The following ITPR3 variants were observed in gnomAD, a reference collection of about 807,000 sequenced individuals.
ITPR3 encodes the protein inositol 1,4,5-trisphosphate-gated calcium channel ITPR3.
In ITPR3, 173 loss-of-function variants were observed where a neutral mutation model predicts 293.2. That is an observed-to-expected ratio of 0.59 (90% CI 0.52 to 0.67). The LOEUF (loss-of-function observed/expected upper bound fraction) is 0.67. Ranked by LOEUF, ITPR3 falls within the 30% of genes least tolerant of loss-of-function variation. The probability of loss-of-function intolerance (pLI) is 0.00; values close to 1 mark genes in which losing one functional copy is unlikely to be tolerated. For synonymous variants in ITPR3, 1,295 were observed against 1,444.4 expected, an observed-to-expected ratio of 0.90 and a Z score of 2.35; for missense variants, 2,796 against 3,592.1, an observed-to-expected ratio of 0.78 and a Z score of 5.66.
At chr6:33,676,652 A>AG in intron 25 of ITPR3, 116 bp from the exon 26 acceptor site, 1 of 1,212,740 alleles carries the variant, frequency 8.2e-7, no homozygotes, top group South Asian at 1.4e-5. Flanking sequence ...CTCGGTGGAG[A>AG]GGGACAGGTG....
Position 33,667,667 on chromosome 6 carries a change from TG to T in ITPR3, c.1714-123del. 9.6e-7 allele frequency: 1 copy of T among 1,044,340 alleles called. No homozygotes were observed. 64.7% of individuals were successfully genotyped at this position (1,044,340 alleles called of 1,614,324 possible). ...TTCTGCCCAGCGATGCTTCCTTTCC[TG>T]GACCTCTGCCTTTCTAGGGTATTGG... On this transcript the variant is annotated intron_variant, in intron 15 of 57. Transcript: ENST00000605930. The surrounding 1 kb of genome is among the most constrained non-coding windows in gnomAD (Gnocchi z 4.4).
intron 7 of ITPR3, among the ~76,000 whole-genome samples, chr6:33,661,579 C>T (rs79710455): frequency 0.062 from 9,378 of 152,210 alleles, 888 homozygotes; most frequent in African/African-American, 0.2. Context: ...AGTGTGACTT[C>T]ATCACGCATA....
chr6:33,685,997 C>T, intron 41 of ITPR3, 56 bp from the exon 42 acceptor site: 2 of 1,594,716 alleles, frequency 1.3e-6, no homozygotes, highest in Non-Finnish European at 1.7e-6. Flanking sequence ...CTTCCCAGGC[C>T]AGCCTCCCTC....
intron 1 of ITPR3, among the ~76,000 whole-genome samples, chr6:33,628,434 T>G (rs1025930369): frequency 5.9e-5 from 9 of 152,218 alleles, no homozygotes; most frequent in Middle Eastern, 3.2e-3. Flanking sequence ...CATTTGTACC[T>G]GCAGTCACAA....
Position 33,626,807 on chromosome 6 carries a change from CTTTCT to C in ITPR3, c.89+5120_89+5124del, listed in dbSNP as rs765053416. 1.8e-3 allele frequency among the ~76,000 whole-genome samples: 268 copies of C among 152,214 alleles called. 3 individuals carry two copies. Among genetic ancestry groups the C allele is most frequent in the Non-Finnish European group, 2.9e-3 (197 of 67,998 alleles). On this transcript the variant is annotated intron_variant, in intron 1 of 57. Transcript: ENST00000605930. The stretch of plus-strand genomic sequence containing the variant: ...TGGATTTCAGACCTGTCTTGGCTTT[CTTTCT>C]TTTATTTTTTTGGAGAGAGTTTTGC...
At chr6:33,681,886 G>GT (rs201250449) in intron 33 of ITPR3, among the ~76,000 whole-genome samples, 220 of 146,166 alleles carry the variant, frequency 1.5e-3, no homozygotes, top group East Asian at 2.6e-3. Context: ...AAAGTGTTAT[G>GT]TTTTTTTTTT....
Position 33,654,113 on chromosome 6 carries a change from C to T in ITPR3, c.161-1653C>T, listed in dbSNP as rs964168636. On this transcript the variant is annotated intron_variant, in intron 2 of 57. Transcript: ENST00000605930. The surrounding 1 kb of genome is among the most constrained non-coding windows in gnomAD (Gnocchi z 4.1). Reference sequence around the variant, plus strand: ...CGAAACCCCGTCTCTACTAAAAATACAAAAATTAGCCAGGCATGGTGGTGC... The same window carrying T: ...CGAAACCCCGTCTCTACTAAAAATATAAAAATTAGCCAGGCATGGTGGTGC... 6.6e-6 allele frequency among the ~76,000 whole-genome samples: 1 copy of T among 151,928 alleles called. No homozygotes were observed. Among genetic ancestry groups the T allele is most frequent in the African/African-American group, 2.4e-5 (1 of 41,356 alleles).
rs769829990 is a variant in ITPR3, at chr6:33,671,271, C to T, written c.2693C>T (p.Pro898Leu). ...LLGIIDCVQG[P>L]PAMLQAYEDP... The stretch of plus-strand genomic sequence containing the variant: ...GGCATCATCGACTGTGTGCAGGGGC[C>T]CCCGGCCATGCTGCAGGCCTATGAG... Residue 898 changes from proline (P) to leucine (L), a missense_variant, in exon 21 of 58, where the codon CCC becomes CTC. This residue lies in a region of ITPR3 where 955 missense variants were observed against 1,180.8 expected (regional missense o/e 0.81). Coordinates refer to ENST00000605930, the MANE Select transcript of ITPR3 (RefSeq NM_002224.4). 17 of 1,613,572 alleles carry T rather than the reference C, an allele frequency of 1.1e-5. No individual in the cohort carries two copies. The highest frequency in any genetic ancestry group is 1.7e-5 in the Admixed American group (1 of 60,020).
intron 8 of ITPR3, 60 bp from the exon 9 acceptor site, chr6:33,662,851 G>T: frequency 6.5e-7 from 1 of 1,532,766 alleles, no homozygotes; most frequent in Admixed American, 2.0e-5. Flanking sequence ...GCCTCCCTGG[G>T]GTCTGACTCC....
chr6:33,694,760 G>A (rs913241766), intron 56 of ITPR3, 164 bp from the exon 57 acceptor site: 5 of 839,018 alleles, frequency 6.0e-6, no homozygotes, highest in Admixed American at 2.6e-5. Flanking sequence ...GCTCACTCTG[G>A]CCCCGGGGAG....
chr6:33,673,764 C>G (rs1764832800), intron 23 of ITPR3, 44 bp downstream of exon 23: 4 of 1,608,628 alleles, frequency 2.5e-6, no homozygotes, highest in Non-Finnish European at 3.4e-6. Context: ...TGCGACTCTC[C>G]CAGGGATACA....
chr6:33,643,179 TG>T (rs1763987773), intron 2 of ITPR3, among the ~76,000 whole-genome samples: 1 of 152,306 alleles, frequency 6.6e-6, no homozygotes, highest in East Asian at 1.9e-4. Flanking sequence ...AGTTGGCTGG[TG>T]GTCATCAGAA....
intron 57 of ITPR3, 158 bp from the exon 58 acceptor site, chr6:33,695,554 G>C (rs571644616): frequency 8.8e-6 from 6 of 679,850 alleles, no homozygotes; most frequent in East Asian, 5.0e-5. Flanking sequence ...TGCTGACATC[G>C]ACATCCTTAA....
chr6:33,694,332 G>A (rs1765477040), intron 56 of ITPR3: 1 of 160,964 alleles, frequency 6.2e-6, no homozygotes, highest in Admixed American at 6.2e-5. Flanking sequence ...TGATCTTTGT[G>A]TACAGGTTTA....
At chr6:33,636,123 CAAAAAAAAAAAAA>C (rs59543122) in intron 1 of ITPR3, among the ~76,000 whole-genome samples, 8 of 83,318 alleles carry the variant, frequency 9.6e-5, no homozygotes, top group East Asian at 8.5e-4. Flanking sequence ...GCTGTCTCTA[CAAAAAAAAAAAAA>C]AAAAAAAAAA....
At position 33,684,498 on chromosome 6, in the gene ITPR3, G is replaced by C; in HGVS notation, c.5046+33G>C. The C allele has an allele frequency of 6.2e-7, 1 of 1,606,600 alleles. No individual in the cohort carries two copies. Among genetic ancestry groups the C allele is most frequent in the Non-Finnish European group, 8.5e-7 (1 of 1,173,346 alleles). Reference sequence around the variant, plus strand: ...CCCTGGTGGGGCAAGTGCTGGGTGGGCCAGTCAGGAGTACCCAGGGGCTCA... The same window carrying C: ...CCCTGGTGGGGCAAGTGCTGGGTGGCCCAGTCAGGAGTACCCAGGGGCTCA... On this transcript the variant is annotated intron_variant, in intron 37 of 57. Transcript: ENST00000605930. This position sits in a 1 kb window ranked among gnomAD's most constrained non-coding sequence, Gnocchi z 4.2.
chr6:33,680,896 C>G (rs111368504), intron 33 of ITPR3, among the ~76,000 whole-genome samples: 1 of 147,484 alleles, frequency 6.8e-6, no homozygotes, highest in African/African-American at 2.6e-5. Context: ...TCTCTGCTTA[C>G]TGCAAGCTCT....
Position 33,668,962 on chromosome 6 carries a change from G to C in ITPR3, c.2007-12G>C, listed in dbSNP as rs757626116. On this transcript the variant is annotated splice_polypyrimidine_tract_variant and intron_variant, in intron 17 of 57. Transcript: ENST00000605930. ...ACCTGGCTCCCTGTGACAGGTTGCT[G>C]GTGGTCTGCAGGCTTCGGCCCGTGA... 33 of 1,612,052 alleles carry C rather than the reference G, an allele frequency of 2.0e-5. No individual in the cohort carries two copies. Among genetic ancestry groups the C allele is most frequent in the Non-Finnish European group, 2.6e-5 (31 of 1,179,316 alleles).
intron 16 of ITPR3, 136 bp from the exon 17 acceptor site, chr6:33,668,379 C>A: frequency 8.4e-7 from 1 of 1,194,424 alleles, no homozygotes; most frequent in Non-Finnish European, 1.2e-6. Context: ...GTCCATCCCA[C>A]CCATCTCTAA....
Sources: allele counts gnomAD v4.1 joint callset (sites outside exome capture counted in the v4.1 genomes callset), GRCh38; gene constraint gnomAD v4.1.1; regional missense constraint gnomAD v4.1.1; non-coding constraint Gnocchi (gnomAD v3.1); transcripts MANE v1.5; gene names NCBI Gene and HGNC (gene_info 2026-07-23, HGNC 2026-07-21).